CIITA: variants seen among roughly 807,000 people sequenced by gnomAD.
CIITA encodes the protein MHC class II transactivator.
Under a neutral mutation model 115.1 loss-of-function variants are expected in CIITA, and 72 were observed. That is an observed-to-expected ratio of 0.63 (90% CI 0.52 to 0.76). CIITA has a LOEUF of 0.76. CIITA is among the 30% of genes least tolerant of loss of function. CIITA has a pLI of 0.00. For synonymous variants in CIITA, 763 were observed against 635.6 expected, an observed-to-expected ratio of 1.20 and a Z score of -3.02; for missense variants, 1,617 against 1,463.8, an observed-to-expected ratio of 1.10 and a Z score of -1.71.
At chr16:10,866,469 C>A in intron 1 of CIITA, 1 of 565,068 alleles carries the variant, frequency 1.8e-6, no homozygotes, top group South Asian at 1.4e-5. Flanking sequence ...TCTCTTTGAC[C>A]CTACTAGAGA....
At chr16:10,897,053 A>AG (rs1317287733) in intron 3 of CIITA, among the ~76,000 whole-genome samples, 1 of 152,220 alleles carries the variant, frequency 6.6e-6, no homozygotes, top group African/African-American at 2.4e-5. Flanking sequence ...CTCCCCCCTT[A>AG]GTGGCATCTC....
intron 1 of CIITA, among the ~76,000 whole-genome samples, chr16:10,883,836 T>C (rs566837236): frequency 7.9e-5 from 12 of 152,304 alleles, no homozygotes; most frequent in African/African-American, 2.2e-4. Context: ...AACAGAGGTC[T>C]TAGCCAATCC....
At position 10,936,330 on chromosome 16, in the gene CIITA, C is replaced by A. The variant is rs563170302; in HGVS notation, c.*12475C>A. 1.2e-4 allele frequency: 19 copies of A among 152,196 alleles called. No individual in the cohort carries two copies. Among genetic ancestry groups the A allele is most frequent in the African/African-American group, 4.3e-4 (18 of 41,522 alleles). The allele number at this position is 152,196 out of a possible 1,614,324, so 9.4% of individuals were successfully genotyped here. On this transcript the variant is annotated 3_prime_UTR_variant, in exon 20 of 20. Transcript: ENST00000324288. ...ATTAGATTTGCTGATTTTGACAACC[C>A]TACTGTGGTTATGCAAATTTGTCCT...
At position 10,920,777 on chromosome 16, in the gene CIITA, A is replaced by T. The variant is rs1041476702; in HGVS notation, c.3150-1390A>T. On this transcript the variant is annotated intron_variant, in intron 16 of 19. Transcript: ENST00000324288. This position sits in a 1 kb window ranked among gnomAD's most constrained non-coding sequence, Gnocchi z 4.5. The stretch of plus-strand genomic sequence containing the variant: ...GTCTCCAGGGTTCAGAGATTGCAAA[A>T]CCCCCATCTAGTTTCTGCACTGGTA... Among the ~76,000 whole-genome samples the T allele has an allele frequency of 6.6e-6, 1 of 151,682 alleles. No individual in the cohort carries two copies. The highest frequency in any genetic ancestry group is 2.4e-5 in the African/African-American group (1 of 41,234).
At chr16:10,877,403 T>TC in intron 1 of CIITA, 21 bp downstream of exon 1, 1 of 1,609,878 alleles carries the variant, frequency 6.2e-7, no homozygotes, top group South Asian at 1.1e-5. Context: ...CGGGAAAGCA[T>TC]CTTAATTTAG....
In CIITA at chr16:10,903,887, A is replaced by T. The variant is rs1567409783; in HGVS notation, c.929A>T (p.Asn310Ile). 1 of 1,614,166 alleles carries T rather than the reference A, an allele frequency of 6.2e-7. No individual in the cohort carries two copies. The highest frequency in any genetic ancestry group is 1.3e-5 in the African/African-American group (1 of 75,040). ...MPEPALTSRA[N>I]MTEHKTSPTQ... is the part of the protein sequence containing the mutation. ...GAACCTGCCCTGACCTCCCGAGCAA[A>T]CATGACAGGTAAGGACCCTTAGGGC... The change falls in exon 9 of 20, where the codon AAC becomes ATC. Residue 310 changes from asparagine (N) to isoleucine (I), a missense_variant. Asn to Ile is a moderately radical substitution (Grantham distance 149). Coordinates refer to ENST00000324288, the MANE Select transcript of CIITA (RefSeq NM_000246.4).
chr16:10,917,126 TTCTGGGC>T (rs2039995465), intron 15 of CIITA: 1 of 197,780 alleles, frequency 5.1e-6, no homozygotes, highest in African/African-American at 2.3e-5. Context: ...TTAAAAACTG[TTCTGGGC>T]TCTGGGAAGT....
At chr16:10,887,707 C>T (rs1381340659) in intron 1 of CIITA, among the ~76,000 whole-genome samples, 2 of 152,146 alleles carry the variant, frequency 1.3e-5, no homozygotes, top group South Asian at 2.1e-4. Context: ...GCTGGTCAGG[C>T]TGGTCTTGAA....
At chr16:10,876,953 G>A (rs868010396), upstream of CIITA, among the ~76,000 whole-genome samples, 8 of 152,318 alleles carry the variant, frequency 5.3e-5, no homozygotes, top group Middle Eastern at 3.4e-3. Flanking sequence ...ACGTCAGACT[G>A]TTGAAGGTTC....
Position 10,927,523 on chromosome 16 carries a change from T to C in CIITA, c.*3668T>C, listed in dbSNP as rs2040580046. ...AATAAGATGTTCCTGCCCTGGTGAG[T>C]CTTATATTTTAGCAAATTAAAAAAA... On this transcript the variant is annotated 3_prime_UTR_variant, in exon 20 of 20. Coordinates refer to ENST00000324288, the MANE Select transcript of CIITA (RefSeq NM_000246.4). 6.6e-6 allele frequency: 1 copy of C among 152,194 alleles called. No homozygotes were observed. The highest frequency in any genetic ancestry group is 1.9e-4 in the East Asian group (1 of 5,180). 9.4% of individuals were successfully genotyped at this position (152,194 alleles called of 1,614,324 possible).
chr16:10,904,065 G>T (rs1283705633), intron 9 of CIITA, among the ~76,000 whole-genome samples, 170 bp downstream of exon 9: 1 of 152,148 alleles, frequency 6.6e-6, no homozygotes, highest in Non-Finnish European at 1.5e-5. Context: ...ATGGTTGTGG[G>T]GGAATGGACA....
In CIITA at chr16:10,925,544, A is replaced by C. The variant is rs1363861573; in HGVS notation, c.*1689A>C. 6.6e-6 allele frequency: 1 copy of C among 152,352 alleles called. No individual in the cohort carries two copies. The highest frequency in any genetic ancestry group is 1.9e-4 in the East Asian group (1 of 5,204). The allele number at this position is 152,352 out of a possible 1,614,324, so 9.4% of individuals were successfully genotyped here. ...AGGCAGGTCTTGAACTCCTGGCCTC[A>C]AGTGATTCTCCTGCCTCAGCCTCCC... is the stretch of plus-strand genomic sequence containing the variant. On this transcript the variant is annotated 3_prime_UTR_variant, in exon 20 of 20. Transcript: ENST00000324288.
intron 1 of CIITA, among the ~76,000 whole-genome samples, chr16:10,868,326 CAG>C (rs2035235698): frequency 1.3e-5 from 2 of 152,192 alleles, no homozygotes; most frequent in South Asian, 4.1e-4. Flanking sequence ...GATTTGAAGA[CAG>C]ACAAGCTTTG....
chr16:10,883,539 T>C lies in CIITA; in HGVS notation c.52+6157T>C, dbSNP rs114948027. Among the ~76,000 whole-genome samples the C allele has an allele frequency of 1.9e-3, 287 of 152,330 alleles. 2 individuals are homozygous for C. Among genetic ancestry groups the C allele is most frequent in the African/African-American group, 6.4e-3 (265 of 41,582 alleles). On this transcript the variant is annotated intron_variant, in intron 1 of 19. Coordinates refer to ENST00000324288, the MANE Select transcript of CIITA (RefSeq NM_000246.4). ...AGTTTTAAGATTTTCCAAGTTGTTA[T>C]GAGGTCAGTGTCCTCAATCGGGACC...
intron 9 of CIITA, among the ~76,000 whole-genome samples, chr16:10,904,486 G>A (rs1375357947): frequency 6.6e-6 from 1 of 152,216 alleles, no homozygotes; most frequent in Non-Finnish European, 1.5e-5. Context: ...CTCCCAAAGT[G>A]CTGGGATTAC....
intron 10 of CIITA, among the ~76,000 whole-genome samples, chr16:10,905,137 G>A (rs2039050274): frequency 6.6e-6 from 1 of 152,168 alleles, no homozygotes; most frequent in East Asian, 1.9e-4. Flanking sequence ...ATGAGGATGG[G>A]AGCAATGGAA....
In CIITA at chr16:10,923,407, G is replaced by A; in HGVS notation, c.*22+82G>A. ...GTGAAGGTGGCATTCAAAAAATGTG[G>A]GCGGGACACAGGTGGGGCTAGGCCA... On this transcript the variant is annotated intron_variant, in intron 19 of 19. Coordinates refer to ENST00000324288, the MANE Select transcript of CIITA (RefSeq NM_000246.4). This position sits in a 1 kb window ranked among gnomAD's most constrained non-coding sequence, Gnocchi z 5.2. 1.7e-6 allele frequency: 2 copies of A among 1,144,260 alleles called. No homozygotes were observed. The highest frequency in any genetic ancestry group is 2.6e-6 in the Non-Finnish European group (2 of 762,440). The allele number at this position is 1,144,260 out of a possible 1,614,324, so 70.9% of individuals were successfully genotyped here.
chr16:10,908,107 G>T lies in CIITA; in HGVS notation c.2615G>T (p.Gly872Val). The T allele has an allele frequency of 6.3e-7, 1 of 1,597,428 alleles. No homozygotes were observed. The highest frequency in any genetic ancestry group is 8.5e-7 in the Non-Finnish European group (1 of 1,171,950). Residue 872 changes from glycine (G) to valine (V), a missense_variant, in exon 11 of 20, where the codon GGA (glycine) becomes GTA (valine). By Grantham distance (109) the Gly-to-Val change is moderately radical. Transcript: ENST00000324288. ...DLRSTGICPS[G>V]LGSLVGLSCV... The stretch of plus-strand genomic sequence containing the variant: ...CGCAGCACTGGCATTTGCCCCTCTG[G>T]ATTGGGGAGCCTCGTGGGACTCAGC...
intron 1 of CIITA, among the ~76,000 whole-genome samples, chr16:10,888,925 G>A (rs1374865886): frequency 1.3e-5 from 2 of 152,226 alleles, no homozygotes; most frequent in Admixed American, 1.3e-4. Context: ...CTCTGAGCCT[G>A]TCTCTTCATC....
Sources: allele counts gnomAD v4.1 joint callset (sites outside exome capture counted in the v4.1 genomes callset), GRCh38; gene constraint gnomAD v4.1.1; non-coding constraint Gnocchi (gnomAD v3.1); transcripts MANE v1.5; gene names NCBI Gene and HGNC (gene_info 2026-07-23, HGNC 2026-07-21).